The following CELF4 variants were observed in gnomAD, a reference collection of about 807,000 sequenced individuals.
CELF4 encodes the protein CUG-BP- and ETR-3-like factor 4.
A neutral mutation model predicts 59.9 loss-of-function variants in CELF4; 18 were observed. That is an observed-to-expected ratio of 0.30 (90% CI 0.21 to 0.45). The LOEUF (loss-of-function observed/expected upper bound fraction) is 0.45. Ranked by LOEUF, CELF4 falls within the 20% of genes least tolerant of loss-of-function variation. The pLI, the probability that CELF4 is intolerant of heterozygous loss-of-function variation, is 1.00. For missense variants in CELF4, 456 were observed against 689.0 expected, an observed-to-expected ratio of 0.66 and a Z score of 3.79; for synonymous variants, 261 against 267.1, an observed-to-expected ratio of 0.98 and a Z score of 0.22.
chr18:37,404,376 T>C (rs2099360514), intron 2 of CELF4, among the ~76,000 whole-genome samples: 1 of 152,198 alleles, frequency 6.6e-6, no homozygotes, highest in Non-Finnish European at 1.5e-5. Context: ...TGGAGTGCCT[T>C]CATGCAGGGC....
chr18:37,300,056 C>T (rs1435057628), intron 3 of CELF4, among the ~76,000 whole-genome samples: 2 of 152,288 alleles, frequency 1.3e-5, no homozygotes, highest in East Asian at 3.9e-4. Context: ...CTGCCCCCAC[C>T]CCATGCTTCT....
intron 11 of CELF4, among the ~76,000 whole-genome samples, chr18:37,257,113 T>C (rs778561626): frequency 1.1e-4 from 17 of 152,114 alleles, no homozygotes; most frequent in Non-Finnish European, 2.5e-4. Context: ...CTGGCTAATT[T>C]AAGTGGGCTA....
intron 2 of CELF4, among the ~76,000 whole-genome samples, chr18:37,404,316 G>A (rs770074927): frequency 6.6e-6 from 1 of 152,186 alleles, no homozygotes; most frequent in Non-Finnish European, 1.5e-5. Context: ...GGAGTTCTCT[G>A]GTCTCCAGAC....
intron 1 of CELF4, among the ~76,000 whole-genome samples, chr18:37,525,705 T>A (rs376018064): frequency 1.3e-5 from 2 of 152,218 alleles, no homozygotes; most frequent in African/African-American, 2.4e-5. Context: ...GACAAGAGAA[T>A]GGGATTCATG....
At chr18:37,417,882 C>G (rs1234255188) in intron 2 of CELF4, among the ~76,000 whole-genome samples, 1 of 152,156 alleles carries the variant, frequency 6.6e-6, no homozygotes, top group Non-Finnish European at 1.5e-5. Context: ...AGAAACATCA[C>G]CTGCTCATAA....
chr18:37,360,558 A>T (rs913872502), intron 2 of CELF4, among the ~76,000 whole-genome samples: 4 of 152,354 alleles, frequency 2.6e-5, no homozygotes, highest in African/African-American at 9.6e-5. Context: ...ATGAGGACAG[A>T]TGAGGAAACA....
At chr18:37,333,682 G>A (rs1603553934) in intron 2 of CELF4, among the ~76,000 whole-genome samples, 1 of 151,442 alleles carries the variant, frequency 6.6e-6, no homozygotes, top group Admixed American at 6.6e-5. Flanking sequence ...TCTCTGCTTG[G>A]TCTACCAGCA....
chr18:37,408,494 G>GT (rs1658224140), intron 2 of CELF4, among the ~76,000 whole-genome samples: 1 of 49,120 alleles, frequency 2.0e-5, no homozygotes, highest in African/African-American at 4.7e-5. Flanking sequence ...GTTGGTGCCG[G>GT]GGGGGGGCGC....
At chr18:37,393,034 T>G (rs775194145) in intron 2 of CELF4, among the ~76,000 whole-genome samples, 2 of 149,874 alleles carry the variant, frequency 1.3e-5, no homozygotes, top group Admixed American at 6.7e-5. Flanking sequence ...TGCCTAGGCA[T>G]AGTGTGTTGC....
chr18:37,260,811 C>T (rs1479238185), intron 10 of CELF4, among the ~76,000 whole-genome samples: 2 of 152,206 alleles, frequency 1.3e-5, no homozygotes, highest in Non-Finnish European at 2.9e-5. Context: ...CTCCTTGGTG[C>T]TCGCCCTGTG....
At chr18:37,522,047 C>T (rs566652321) in intron 1 of CELF4, among the ~76,000 whole-genome samples, 1 of 152,190 alleles carries the variant, frequency 6.6e-6, no homozygotes, top group African/African-American at 2.4e-5. Flanking sequence ...CCTTCCATAG[C>T]CTCAGTTTCT....
In CELF4 at chr18:37,444,652, A is replaced by G. The variant is rs1125586; in HGVS notation, c.369+40873T>C. 1.6e-3 allele frequency among the ~76,000 whole-genome samples: 232 copies of G among 144,170 alleles called. 2 individuals carry two copies. Among genetic ancestry groups the G allele is most frequent in the African/African-American group, 3.8e-3 (148 of 38,610 alleles). The allele number at this position is 144,170 out of a possible 152,430, so 94.6% of individuals were successfully genotyped here. A position where few individuals can be genotyped will look rare whatever the true frequency, so the allele number is the denominator to read the frequency against. On this transcript the variant is annotated intron_variant, in intron 2 of 12. Transcript: ENST00000420428. ...CACACACACACACACACACACACAC[A>G]CGCGAACGATGCAGTTTCAGAGGAG...
intron 1 of CELF4, among the ~76,000 whole-genome samples, chr18:37,545,946 C>T (rs2099981286): frequency 6.6e-6 from 1 of 152,192 alleles, no homozygotes; most frequent in African/African-American, 2.4e-5. Context: ...AGGACACTGT[C>T]TGACTTAGCG....
chr18:37,444,443 G>A (rs529868951), intron 2 of CELF4, among the ~76,000 whole-genome samples: 1 of 152,196 alleles, frequency 6.6e-6, no homozygotes, highest in East Asian at 1.9e-4. Flanking sequence ...TGAGTCCTTC[G>A]GGGGTGCTGG....
chr18:37,414,320 A>G (rs1404511141), intron 2 of CELF4, among the ~76,000 whole-genome samples: 2 of 151,198 alleles, frequency 1.3e-5, no homozygotes, highest in African/African-American at 2.4e-5. Context: ...CCACCTACCC[A>G]TTCATTCTTT....
intron 2 of CELF4, among the ~76,000 whole-genome samples, chr18:37,409,226 T>A (rs546508307): frequency 2.8e-4 from 43 of 152,320 alleles, no homozygotes; most frequent in Admixed American, 1.8e-3. Flanking sequence ...AAACCTGGAA[T>A]GGGTTTGGTG....
intron 2 of CELF4, among the ~76,000 whole-genome samples, chr18:37,432,407 A>G (rs2099672506): frequency 1.3e-5 from 2 of 152,238 alleles, no homozygotes; most frequent in African/African-American, 4.8e-5. Flanking sequence ...GATTTATTTG[A>G]AAAGACCAAA....
Position 37,442,673 on chromosome 18 carries a change from T to C in CELF4, c.369+42852A>G, listed in dbSNP as rs74683647. 2.8e-3 allele frequency among the ~76,000 whole-genome samples: 434 copies of C among 152,282 alleles called. 6 individuals carry two copies. The East Asian group carries it at 0.065, about 23-fold the overall frequency. ...CACATTTCCAATACAAGGAAACAGA[T>C]TGTGCTGTGCCTCGTCTCTGGACAG... On this transcript the variant is annotated intron_variant, in intron 2 of 12. Coordinates refer to ENST00000420428, the MANE Select transcript of CELF4 (RefSeq NM_020180.4).
intron 2 of CELF4, among the ~76,000 whole-genome samples, chr18:37,361,798 G>A (rs571316678): frequency 2.6e-5 from 4 of 151,638 alleles, no homozygotes; most frequent in South Asian, 2.1e-4. Flanking sequence ...ATGCCCAGCC[G>A]GGGGAGCAAC....
Sources: gnomAD v4.1 joint callset for allele counts (sites outside exome capture counted in the v4.1 genomes callset) on GRCh38, gnomAD v4.1.1 for gene constraint, MANE v1.5 for transcripts, NCBI Gene and HGNC (gene_info 2026-07-23, HGNC 2026-07-21) for gene names.